The following ITFG1 variants were observed in gnomAD, a reference collection of about 807,000 sequenced individuals.
ITFG1 encodes integrin alpha FG-GAP repeat containing 1, also known as T-cell immunomodulatory protein.
ITFG1 carries 34 observed loss-of-function variants against 81.8 expected under a neutral mutation model. The observed-to-expected ratio is 0.42, with a 90% CI of 0.32 to 0.55. The LOEUF (loss-of-function observed/expected upper bound fraction) is 0.55. Among genes scored for constraint, ITFG1 ranks in the 20% least tolerant of loss-of-function variants. The probability of loss-of-function intolerance (pLI) is 0.17; values close to 1 mark genes in which losing one functional copy is unlikely to be tolerated. For synonymous variants in ITFG1, 285 were observed against 270.6 expected, an observed-to-expected ratio of 1.05 and a Z score of -0.52; for missense variants, 672 against 755.4, an observed-to-expected ratio of 0.89 and a Z score of 1.29.
intron 8 of ITFG1, among the ~76,000 whole-genome samples, chr16:47,347,279 G>T (rs1420765036): frequency 6.6e-6 from 1 of 152,270 alleles, no homozygotes; most frequent in African/African-American, 2.4e-5. Flanking sequence ...AGGGGTAAGG[G>T]AATTCCCTTT....
At chr16:47,441,734 A>G (rs1194211249) in intron 5 of ITFG1, among the ~76,000 whole-genome samples, 9 of 152,000 alleles carry the variant, frequency 5.9e-5, no homozygotes, top group African/African-American at 1.9e-4. Flanking sequence ...TACTGAATGG[A>G]CAAAAACTGG....
intron 13 of ITFG1, among the ~76,000 whole-genome samples, chr16:47,229,746 G>C (rs1010777795): frequency 3.9e-5 from 6 of 152,114 alleles, no homozygotes; most frequent in African/African-American, 1.4e-4. Context: ...TGGGTTTTGG[G>C]GGGTGGGGAA....
chr16:47,256,351 T>A (rs1457991058), intron 12 of ITFG1, among the ~76,000 whole-genome samples: 1 of 152,194 alleles, frequency 6.6e-6, no homozygotes, highest in African/African-American at 2.4e-5. Context: ...TAGTAGTTTA[T>A]CCCTAAGGAA....
chr16:47,341,678 G>A (rs1249570230), intron 8 of ITFG1, among the ~76,000 whole-genome samples: 1 of 151,974 alleles, frequency 6.6e-6, no homozygotes, highest in Non-Finnish European at 1.5e-5. Flanking sequence ...AAAAATGGAT[G>A]AACTTTTATC....
At chr16:47,433,166 C>T (rs1969115322) in intron 5 of ITFG1, among the ~76,000 whole-genome samples, 1 of 152,048 alleles carries the variant, frequency 6.6e-6, no homozygotes, top group Non-Finnish European at 1.5e-5. Context: ...AGCTATTAAA[C>T]CAAATGTTTA....
Position 47,155,406 on chromosome 16 carries a change from C to T in ITFG1, c.*313G>A, listed in dbSNP as rs1386705943. Reference sequence around the variant, plus strand: ...GCTCATTTAATTATTTTTATTTACACAACTTTTTCCATCATCATGATGCAA... The same window carrying T: ...GCTCATTTAATTATTTTTATTTACATAACTTTTTCCATCATCATGATGCAA... On this transcript the variant is annotated 3_prime_UTR_variant, in exon 18 of 18. Coordinates refer to ENST00000320640, the MANE Select transcript of ITFG1 (RefSeq NM_030790.5). 2 of 183,376 alleles carry T rather than the reference C, an allele frequency of 1.1e-5. No individual in the cohort carries two copies. Among genetic ancestry groups the T allele is most frequent in the Non-Finnish European group, 2.2e-5 (2 of 89,158 alleles). 11.4% of individuals were successfully genotyped at this position (183,376 alleles called of 1,614,324 possible). A position where few individuals can be genotyped will look rare whatever the true frequency, so the allele number is the denominator to read the frequency against.
chr16:47,171,328 T>C (rs1354207116), intron 14 of ITFG1, among the ~76,000 whole-genome samples: 1 of 152,172 alleles, frequency 6.6e-6, no homozygotes, highest in Non-Finnish European at 1.5e-5. Context: ...AATTTGTTGA[T>C]ATGCAGTTGT....
intron 12 of ITFG1, among the ~76,000 whole-genome samples, chr16:47,247,511 A>G (rs930727686): frequency 6.6e-6 from 1 of 152,176 alleles, no homozygotes; most frequent in African/African-American, 2.4e-5. Flanking sequence ...TCAAAGCTGT[A>G]AGTGCCACTC....
At chr16:47,229,815 G>C (rs1965795997) in intron 13 of ITFG1, among the ~76,000 whole-genome samples, 1 of 152,170 alleles carries the variant, frequency 6.6e-6, no homozygotes, top group African/African-American at 2.4e-5. Flanking sequence ...TGATGTTCAG[G>C]AAAGTGGTTG....
At chr16:47,348,668 T>A (rs1417071246) in intron 8 of ITFG1, among the ~76,000 whole-genome samples, 1 of 152,176 alleles carries the variant, frequency 6.6e-6, no homozygotes, top group Non-Finnish European at 1.5e-5. Context: ...TTCCCCAACC[T>A]AGCAAGGCAG....
At chr16:47,251,011 G>A (rs1464151817) in intron 12 of ITFG1, among the ~76,000 whole-genome samples, 1 of 152,176 alleles carries the variant, frequency 6.6e-6, no homozygotes, top group African/African-American at 2.4e-5. Flanking sequence ...GGATTTGCTG[G>A]TGCTTCTAGT....
intron 10 of ITFG1, among the ~76,000 whole-genome samples, chr16:47,271,372 T>A (rs959883808): frequency 2.0e-5 from 3 of 152,176 alleles, no homozygotes; most frequent in African/African-American, 7.2e-5. Context: ...AAGCTCAACA[T>A]CATTAGCCAT....
At chr16:47,174,158 A>C (rs1334818974) in intron 14 of ITFG1, among the ~76,000 whole-genome samples, 1 of 152,236 alleles carries the variant, frequency 6.6e-6, no homozygotes, top group African/African-American at 2.4e-5. Context: ...CATTCAGGTT[A>C]TGTTGTAATT....
intron 8 of ITFG1, among the ~76,000 whole-genome samples, chr16:47,326,993 C>A (rs1402229122): frequency 6.6e-6 from 1 of 152,102 alleles, no homozygotes; most frequent in African/African-American, 2.4e-5. Flanking sequence ...GCATATGGAA[C>A]CAAAAAAGAG....
intron 8 of ITFG1, among the ~76,000 whole-genome samples, chr16:47,365,243 A>G (rs1210321564): frequency 6.6e-6 from 1 of 152,174 alleles, no homozygotes. Flanking sequence ...ATCTCATACA[A>G]TTACTCTGAC....
At chr16:47,302,036 A>G (rs769054300) in intron 10 of ITFG1, among the ~76,000 whole-genome samples, 3 of 117,102 alleles carry the variant, frequency 2.6e-5, no homozygotes, top group Non-Finnish European at 4.9e-5. Context: ...ATGAGTCTTC[A>G]AAAAAAAAAA....
In ITFG1 at chr16:47,451,788, G is replaced by C. The variant is rs531416379; in HGVS notation, c.486-318C>G. ...ACTCTAAGCAACAGCACAGAGCAGA[G>C]CCTGTTGTTGACCCACACTGGACAT... On this transcript the variant is annotated intron_variant, in intron 4 of 17. Coordinates refer to ENST00000320640, the MANE Select transcript of ITFG1 (RefSeq NM_030790.5). Among the ~76,000 whole-genome samples the C allele has an allele frequency of 6.4e-4, 98 of 152,328 alleles. 1 individual carries two copies. Among genetic ancestry groups the C allele is most frequent in the African/African-American group, 2.1e-3 (88 of 41,588 alleles).
chr16:47,260,453 G>T lies in ITFG1; in HGVS notation c.1221+92C>A, dbSNP rs940656895. ...TAACTCATTTGCTTTTTGTTGTGTT[G>T]TCCACATTTTCTGGTCAAATGGAAT... On this transcript the variant is annotated intron_variant, in intron 11 of 17. Coordinates refer to ENST00000320640, the MANE Select transcript of ITFG1 (RefSeq NM_030790.5). 135 of 1,352,534 alleles carry T rather than the reference G, an allele frequency of 1.0e-4. 1 individual carries two copies. The highest frequency in any genetic ancestry group is 1.4e-4 in the Non-Finnish European group (131 of 970,064). 83.8% of individuals were successfully genotyped at this position (1,352,534 alleles called of 1,614,324 possible).
intron 10 of ITFG1, among the ~76,000 whole-genome samples, chr16:47,283,385 T>C (rs1468781906): frequency 1.3e-5 from 2 of 152,190 alleles, no homozygotes; most frequent in Non-Finnish European, 2.9e-5. Flanking sequence ...GAATATTAGT[T>C]GGTTGAAGGT....
Sources: gnomAD v4.1 joint callset for allele counts (sites outside exome capture counted in the v4.1 genomes callset) on GRCh38, gnomAD v4.1.1 for gene constraint, MANE v1.5 for transcripts, NCBI Gene and HGNC (gene_info 2026-07-23, HGNC 2026-07-21) for gene names.